NFATC3: variants seen among roughly 807,000 people sequenced by gnomAD.
NFATC3 encodes nuclear factor of activated T-cells, cytoplasmic 3.
A neutral mutation model predicts 98.6 loss-of-function variants in NFATC3; 46 were observed. That is an observed-to-expected ratio of 0.47 (90% CI 0.37 to 0.60). The LOEUF (loss-of-function observed/expected upper bound fraction) is 0.60, where lower values mean the gene tolerates loss of function less well. NFATC3 is among the 20% of genes least tolerant of loss of function. NFATC3 has a pLI of 0.00. For synonymous variants in NFATC3, 512 were observed against 472.2 expected (o/e 1.08, Z -1.09); for missense variants, 1,256 against 1,295.5 (o/e 0.97, Z 0.47).
chr16:68,171,112 A>G (rs1364500399), intron 5 of NFATC3, among the ~76,000 whole-genome samples: 1 of 152,052 alleles, frequency 6.6e-6, no homozygotes, highest in Admixed American at 6.6e-5. Flanking sequence ...GGTTCAAACA[A>G]TTCCCCCGGC....
At chr16:68,136,395 C>T (rs117300105) in intron 3 of NFATC3, among the ~76,000 whole-genome samples, 5,701 of 152,106 alleles carry the variant, frequency 0.037, 119 homozygotes, top group Middle Eastern at 0.15. Flanking sequence ...CAACTTCTCC[C>T]GTGGCTGGGA....
chr16:68,146,645 C>A (rs1184590359), intron 3 of NFATC3, among the ~76,000 whole-genome samples: 1 of 152,064 alleles, frequency 6.6e-6, no homozygotes. Flanking sequence ...ATATTTAGAG[C>A]CCATTCCCCC....
intron 3 of NFATC3, among the ~76,000 whole-genome samples, chr16:68,140,452 A>G (rs145120769): frequency 6.8e-4 from 103 of 152,326 alleles, no homozygotes; most frequent in African/African-American, 2.2e-3. Flanking sequence ...GGATATTTCA[A>G]TTTAAATTAA....
At chr16:68,183,452 A>G in intron 8 of NFATC3, 86 bp downstream of exon 8, 1 of 1,463,624 alleles carries the variant, frequency 6.8e-7, no homozygotes, top group Non-Finnish European at 9.3e-7. Context: ...TACAGTGTTT[A>G]AGGTAGAGTG....
At chr16:68,091,466 G>A (rs2034702211) in intron 1 of NFATC3, among the ~76,000 whole-genome samples, 1 of 152,042 alleles carries the variant, frequency 6.6e-6, no homozygotes, top group Non-Finnish European at 1.5e-5. Context: ...GACATTTTTG[G>A]TGAGAAAATG....
At chr16:68,220,251 C>T (rs2151177322) in intron 9 of NFATC3, among the ~76,000 whole-genome samples, 1 of 152,226 alleles carries the variant, frequency 6.6e-6, no homozygotes, top group South Asian at 2.1e-4. Flanking sequence ...GGGCTGGGTG[C>T]GGTGACTCAC....
chr16:68,199,325 G>T (rs925654088), intron 9 of NFATC3, among the ~76,000 whole-genome samples: 9 of 148,870 alleles, frequency 6.0e-5, no homozygotes, highest in Non-Finnish European at 1.2e-4. Context: ...CCGGGTTCAC[G>T]CCATTCTCCT....
At chr16:68,160,297 T>A (rs942925481) in intron 4 of NFATC3, among the ~76,000 whole-genome samples, 22 of 151,538 alleles carry the variant, frequency 1.5e-4, no homozygotes, top group Admixed American at 4.6e-4. Context: ...AACCCCCAAC[T>A]CTACTAAAAA....
chr16:68,212,687 A>G (rs2041458201), intron 9 of NFATC3: 1 of 152,182 alleles, frequency 6.6e-6, no homozygotes. Flanking sequence ...CAAAAAATAC[A>G]TACATATACA....
chr16:68,134,941 G>C (rs780556884), intron 3 of NFATC3, among the ~76,000 whole-genome samples: 2 of 152,038 alleles, frequency 1.3e-5, no homozygotes, highest in Non-Finnish European at 2.9e-5. Flanking sequence ...AAGTAAAATA[G>C]AGATAATGTT....
rs1046772109 is a variant in NFATC3, at chr16:68,174,481, G to A, written c.1882G>A (p.Glu628Lys). Reference protein sequence around the residue: ...MVVTGSNFLPESKIIFLEKGQ... With the variant: ...MVVTGSNFLPKSKIIFLEKGQ... ...TGTGACTGGATCTAATTTTCTTCCA[G>A]AATCCAAAATCATTTTTCTTGAAAA... is the stretch of plus-strand genomic sequence containing the variant. Residue 628 changes from glutamate to lysine, a missense_variant, in exon 6 of 10, where the codon GAA (glutamate) becomes AAA (lysine). Glu to Lys is a moderately conservative substitution (Grantham distance 56). Transcript: ENST00000346183. The A allele has an allele frequency of 4.4e-6, 7 of 1,603,426 alleles. No individual in the cohort carries two copies. Among genetic ancestry groups the A allele is most frequent in the Admixed American group, 3.4e-5 (2 of 58,424 alleles).
rs200001185 is a variant in NFATC3 at position 68,191,137 on chromosome 16, C to G, written c.2468C>G (p.Ser823Cys). 6.2e-7 allele frequency: 1 copy of G among 1,614,202 alleles called. No homozygotes were observed. The change falls in exon 9 of 10, where the codon TCT becomes TGT. Residue 823 changes from serine (S) to cysteine (C), a missense_variant. Transcript: ENST00000346183. Reference sequence around the variant, plus strand: ...ACTTGTCTTCCTATTAATGCTGCCTCTAGTCAAGAATTTGATTCAGTTTTG... The same window carrying G: ...ACTTGTCTTCCTATTAATGCTGCCTGTAGTCAAGAATTTGATTCAGTTTTG... ...GPTCLPINAASSQEFDSVLFQ... is the reference protein window; with the variant it reads ...GPTCLPINAACSQEFDSVLFQ...
chr16:68,091,871 C>A (rs1022513854), intron 1 of NFATC3, among the ~76,000 whole-genome samples: 1 of 152,140 alleles, frequency 6.6e-6, no homozygotes, highest in Non-Finnish European at 1.5e-5. Context: ...CCCAGGCATG[C>A]CATATGAGGT....
chr16:68,207,453 A>G lies in NFATC3; in HGVS notation c.3106+15678A>G, dbSNP rs189065017. 1.4e-4 allele frequency among the ~76,000 whole-genome samples: 21 copies of G among 151,992 alleles called. No individual in the cohort carries two copies. The East Asian group carries it at 1.5e-3, about 11-fold the overall frequency. ...CGTAAGAGTGGAATTGCTGGGTCCT[A>G]TGGTAATTCTGTGTTCAACTTTCTT... On this transcript the variant is annotated intron_variant, in intron 9 of 9. Transcript: ENST00000346183.
chr16:68,111,058 TTTTAC>T (rs1342299380), intron 1 of NFATC3, among the ~76,000 whole-genome samples: 1 of 152,212 alleles, frequency 6.6e-6, no homozygotes. Context: ...CTGAGGAGTG[TTTTAC>T]TTCCAAGTAT....
intron 2 of NFATC3, among the ~76,000 whole-genome samples, chr16:68,125,622 C>T (rs1164413828): frequency 6.6e-6 from 1 of 152,074 alleles, no homozygotes; most frequent in Non-Finnish European, 1.5e-5. Flanking sequence ...AGTAGGCTGA[C>T]ATCCAGAGAT....
chr16:68,179,434 A>G (rs981045569), intron 6 of NFATC3, among the ~76,000 whole-genome samples: 1 of 152,238 alleles, frequency 6.6e-6, no homozygotes, highest in Non-Finnish European at 1.5e-5. Flanking sequence ...AAGTAGGTGT[A>G]GCACTTGCCT....
Position 68,184,720 on chromosome 16 carries a change from C to T in NFATC3, c.2098+1354C>T, listed in dbSNP as rs1598531866. 3.3e-5 allele frequency among the ~76,000 whole-genome samples: 5 copies of T among 152,060 alleles called. 1 individual carries two copies. The highest frequency in any genetic ancestry group is 2.6e-4 in the Admixed American group (4 of 15,268). Reference sequence around the variant, plus strand: ...TCAGGAGGCTGAGGCAGGAGAATGGCGTGAACCCAGGAGGCAGAGCTTGCA... The same window carrying T: ...TCAGGAGGCTGAGGCAGGAGAATGGTGTGAACCCAGGAGGCAGAGCTTGCA... On this transcript the variant is annotated intron_variant, in intron 8 of 9. Transcript: ENST00000346183.
intron 4 of NFATC3, among the ~76,000 whole-genome samples, chr16:68,166,226 A>G (rs9925789): frequency 0.047 from 7,148 of 152,258 alleles, 529 homozygotes; most frequent in African/African-American, 0.16. Flanking sequence ...TTATCACTCT[A>G]TTATTTTGCA....
Sources: allele counts gnomAD v4.1 joint callset (sites outside exome capture counted in the v4.1 genomes callset), GRCh38; gene constraint gnomAD v4.1.1; transcripts MANE v1.5; gene names NCBI Gene and HGNC (gene_info 2026-07-23, HGNC 2026-07-21).